The following C9orf50 variants were observed in gnomAD, a reference collection of about 807,000 sequenced individuals.
C9orf50 encodes uncharacterized protein C9orf50.
Under a neutral mutation model 42.5 loss-of-function variants are expected in C9orf50, and 33 were observed. The observed-to-expected ratio is 0.78, with a 90% CI of 0.59 to 1.04. The LOEUF (loss-of-function observed/expected upper bound fraction) is 1.04, where lower values mean the gene tolerates loss of function less well. Among genes scored for constraint, C9orf50 ranks in the 50% least tolerant of loss-of-function variants. The pLI, the probability that C9orf50 is intolerant of heterozygous loss-of-function variation, is 0.00. For missense variants in C9orf50, 547 were observed against 594.3 expected (o/e 0.92, Z 0.83); for synonymous variants, 257 against 273.4 (o/e 0.94, Z 0.59).
chr9:129,612,547 G>T, intron 6 of C9orf50, 93 bp from the exon 7 acceptor site: 2 of 922,360 alleles, frequency 2.2e-6, no homozygotes, highest in East Asian at 2.6e-5. Flanking sequence ...GCCCTGTTGG[G>T]CAGGTAGTGC....
At chr9:129,620,798 C>A, upstream of C9orf50, 1 of 398,856 alleles carries the variant, frequency 2.5e-6, no homozygotes, top group Non-Finnish European at 4.4e-6. The surrounding 1 kb of genome is among the most constrained non-coding windows in gnomAD (Gnocchi z 5.8). Flanking sequence ...GAGTAGCCAA[C>A]TTTGGGGGTT....
intron 6 of C9orf50, 128 bp downstream of exon 6, chr9:129,612,979 G>A (rs893373000): frequency 4.9e-5 from 59 of 1,211,310 alleles, no homozygotes; most frequent in Non-Finnish European, 6.2e-5. Context: ...AAGCCCCCAC[G>A]GTGACTTGGC....
Position 129,613,569 on chromosome 9 carries a change from C to T in C9orf50, c.909G>A (p.Lys303=). The change falls in exon 5 of 7, where the codon AAG becomes AAA. Residue 303 remains lysine, a synonymous_variant. Transcript: ENST00000372478. This position sits in a 1 kb window ranked among gnomAD's most constrained non-coding sequence, Gnocchi z 6.2. ...GCTCGGACGCCACTGGCAGGGCGGC[C>T]TTCTGGTTCACAATGACGCTCTGTT... 4.3e-6 allele frequency: 7 copies of T among 1,614,206 alleles called. No homozygotes were observed. The highest frequency in any genetic ancestry group is 5.9e-6 in the Non-Finnish European group (7 of 1,180,030).
Position 129,620,206 on chromosome 9 carries a change from C to T in C9orf50, c.369G>A (p.Glu123=), listed in dbSNP as rs1218506857. Residue 123 remains glutamate (E), a synonymous_variant, in exon 1 of 7, where the codon GAG becomes GAA. Transcript: ENST00000372478. This position sits in a 1 kb window ranked among gnomAD's most constrained non-coding sequence, Gnocchi z 5.8. Reference sequence around the variant, plus strand: ...CCACGCGCCTCCGGGGGCGCTCGCGCTCTCCAGGCCCTGGCTGCCTGGGCG... The same window carrying T: ...CCACGCGCCTCCGGGGGCGCTCGCGTTCTCCAGGCCCTGGCTGCCTGGGCG... 2.1e-6 allele frequency: 3 copies of T among 1,419,426 alleles called. No individual in the cohort carries two copies. The highest frequency in any genetic ancestry group is 1.8e-6 in the Non-Finnish European group (2 of 1,082,122). The allele number at this position is 1,419,426 out of a possible 1,614,324, so 87.9% of individuals were successfully genotyped here. A position where few individuals can be genotyped will look rare whatever the true frequency, so the allele number is the denominator to read the frequency against.
chr9:129,612,438 T>C, exon 7 of C9orf50: 1 of 1,612,400 alleles, frequency 6.2e-7, no homozygotes, highest in Non-Finnish European at 8.5e-7. Flanking sequence ...CAGCACCCGG[T>C]TGGGCAGGAG....
At position 129,620,388 on chromosome 9, in the gene C9orf50, G is replaced by T. The variant is rs547381419; in HGVS notation, c.187C>A (p.Pro63Thr). The change falls in exon 1 of 7, where the codon CCG becomes ACG. Residue 63 changes from proline to threonine, a missense_variant. By Grantham distance (38) the Pro-to-Thr change is conservative (BLOSUM62 -1). Coordinates refer to ENST00000372478, the Ensembl canonical transcript of C9orf50. This position sits in a 1 kb window ranked among gnomAD's most constrained non-coding sequence, Gnocchi z 5.8. ...ACCCCGGGCTTGGCGTCCCCTTCCG[G>T]CCACCACGCGGCGCCGCCCCCCGGG... 1.6e-6 allele frequency: 2 copies of T among 1,232,022 alleles called. No individual in the cohort carries two copies. The highest frequency in any genetic ancestry group is 7.8e-5 in the South Asian group (2 of 25,742). 76.3% of individuals were successfully genotyped at this position (1,232,022 alleles called of 1,614,324 possible). A position where few individuals can be genotyped will look rare whatever the true frequency, so the allele number is the denominator to read the frequency against.
rs1156529798 is a variant in C9orf50 at position 129,615,477 on chromosome 9, TG to T, written c.880+6del. On this transcript the variant is annotated splice_donor_region_variant and intron_variant, in intron 4 of 6. Coordinates refer to ENST00000372478, the Ensembl canonical transcript of C9orf50. ...GAGTCTCGAGGCTCCCCATCCTGTC[TG>T]CTTACCTGAGCGTCTGCGCTCCCAG... 6.3e-7 allele frequency: 1 copy of T among 1,580,650 alleles called. No homozygotes were observed. Among genetic ancestry groups the T allele is most frequent in the Non-Finnish European group, 8.6e-7 (1 of 1,163,798 alleles).
chr9:129,620,541 C>G lies in C9orf50; in HGVS notation c.34G>C (p.Asp12His). 1 of 1,405,974 alleles carries G rather than the reference C, an allele frequency of 7.1e-7. No individual in the cohort carries two copies. Among genetic ancestry groups the G allele is most frequent in the Non-Finnish European group, 9.3e-7 (1 of 1,076,658 alleles). 87.1% of individuals were successfully genotyped at this position (1,405,974 alleles called of 1,614,324 possible). The change falls in exon 1 of 7, where the codon GAC becomes CAC. Residue 12 changes from aspartate to histidine, a missense_variant. This residue lies in a region of C9orf50 where 105 missense variants were observed against 98.5 expected (regional missense o/e 1.07). Coordinates refer to ENST00000372478, the Ensembl canonical transcript of C9orf50. This position sits in a 1 kb window ranked among gnomAD's most constrained non-coding sequence, Gnocchi z 5.8. ...CCAGGGAGCCCCTTGGGCGCCAGGT[C>G]CTGGGCCCCTGGGCGAAGTCGACGC...
intron 6 of C9orf50, 77 bp from the exon 7 acceptor site, chr9:129,612,531 G>T: frequency 4.4e-6 from 5 of 1,140,102 alleles, no homozygotes; most frequent in Non-Finnish European, 6.5e-6. Flanking sequence ...GGGATTCTGT[G>T]CTGAAGCCCT....
chr9:129,616,510 G>A (rs12553839), intron 3 of C9orf50, among the ~76,000 whole-genome samples: 1 of 151,866 alleles, frequency 6.6e-6, no homozygotes, highest in African/African-American at 2.4e-5. Context: ...GCCACCGCCC[G>A]CCCGCCTGCC....
chr9:129,612,737 G>A (rs545976897), intron 6 of C9orf50, among the ~76,000 whole-genome samples: 3 of 152,318 alleles, frequency 2.0e-5, no homozygotes, highest in African/African-American at 7.2e-5. Context: ...AATTAGCTGG[G>A]TGTGGTGGTG....
intron 3 of C9orf50, among the ~76,000 whole-genome samples, chr9:129,616,347 C>T (rs1484127221): frequency 6.6e-6 from 1 of 152,206 alleles, no homozygotes; most frequent in Non-Finnish European, 1.5e-5. Flanking sequence ...TCCCGAGTAG[C>T]TGGGACTACA....
upstream of C9orf50, chr9:129,620,895 T>C (rs1564340048): frequency 6.9e-6 from 2 of 287,896 alleles, no homozygotes; most frequent in Non-Finnish European, 1.3e-5. This position sits in a 1 kb window ranked among gnomAD's most constrained non-coding sequence, Gnocchi z 5.8. Context: ...AGCTTACACA[T>C]AGACTAGCTG....
chr9:129,620,297 T>C lies in C9orf50; in HGVS notation c.278A>G (p.Lys93Arg). 1.6e-6 allele frequency: 2 copies of C among 1,253,802 alleles called. No homozygotes were observed. Among genetic ancestry groups the C allele is most frequent in the East Asian group, 3.2e-5 (1 of 31,676 alleles). 77.7% of individuals were successfully genotyped at this position (1,253,802 alleles called of 1,614,324 possible). The change falls in exon 1 of 7, where the codon AAG becomes AGG. Residue 93 changes from lysine (K) to arginine (R), a missense_variant. By Grantham distance (26) the Lys-to-Arg change is conservative (BLOSUM62 2). This residue lies in a region of C9orf50 where 108 missense variants were observed against 172.1 expected (regional missense o/e 0.63). Coordinates refer to ENST00000372478, the Ensembl canonical transcript of C9orf50. The surrounding 1 kb of genome is among the most constrained non-coding windows in gnomAD (Gnocchi z 5.8). ...CAGCAGGGACCGCAGCAGCCCCCGCTTCCGCACGGCCCGCCGGGTCGCGGT... is the reference window on the plus strand; with the variant it reads ...CAGCAGGGACCGCAGCAGCCCCCGCCTCCGCACGGCCCGCCGGGTCGCGGT...
rs1830648254 is a variant in C9orf50 at position 129,620,560 on chromosome 9, T to C, written c.15A>G (p.Arg5=). 1 of 1,378,770 alleles carries C rather than the reference T, an allele frequency of 7.3e-7. No homozygotes were observed. Among genetic ancestry groups the C allele is most frequent in the South Asian group, 1.7e-5 (1 of 58,682 alleles). The allele number at this position is 1,378,770 out of a possible 1,614,324, so 85.4% of individuals were successfully genotyped here. A position where few individuals can be genotyped will look rare whatever the true frequency, so the allele number is the denominator to read the frequency against. The change falls in exon 1 of 7, where the codon CGA becomes CGG. Residue 5 remains arginine (R), a synonymous_variant. Transcript: ENST00000372478. This position sits in a 1 kb window ranked among gnomAD's most constrained non-coding sequence, Gnocchi z 5.8. Reference sequence around the variant, plus strand: ...CCAGGTCCTGGGCCCCTGGGCGAAGTCGACGCCAGAACATGCTTGGCCCCG... The same window carrying C: ...CCAGGTCCTGGGCCCCTGGGCGAAGCCGACGCCAGAACATGCTTGGCCCCG...
At chr9:129,615,798 G>A (rs1830347331) in intron 3 of C9orf50, 151 bp from the exon 4 acceptor site, 3 of 879,198 alleles carry the variant, frequency 3.4e-6, no homozygotes, top group Non-Finnish European at 3.2e-6. Flanking sequence ...CGGCCTTAAC[G>A]GAGCACTTCC....
chr9:129,620,003 C>A lies in C9orf50; in HGVS notation c.508+64G>T, dbSNP rs1830596767. The stretch of plus-strand genomic sequence containing the variant: ...GGTGGTGGGGTGGTGGGTGCGGGGA[C>A]ACAAGGGACCACCCCCCACCGGAAA... On this transcript the variant is annotated intron_variant, in intron 1 of 6. Coordinates refer to ENST00000372478, the Ensembl canonical transcript of C9orf50. This position sits in a 1 kb window ranked among gnomAD's most constrained non-coding sequence, Gnocchi z 5.8. 2 of 1,469,442 alleles carry A rather than the reference C, an allele frequency of 1.4e-6. No homozygotes were observed. 91.0% of individuals were successfully genotyped at this position (1,469,442 alleles called of 1,614,324 possible). A position where few individuals can be genotyped will look rare whatever the true frequency, so the allele number is the denominator to read the frequency against.
In C9orf50 at chr9:129,615,639, TG is replaced by T; in HGVS notation, c.724del (p.His242ThrfsTer12). 6.4e-7 allele frequency: 1 copy of T among 1,560,004 alleles called. No homozygotes were observed. Among genetic ancestry groups the T allele is most frequent in the South Asian group, 1.2e-5 (1 of 85,388 alleles). On this transcript the variant is annotated frameshift_variant, in exon 4 of 7. Coordinates refer to ENST00000372478, the Ensembl canonical transcript of C9orf50. LOFTEE classifies it high-confidence loss of function. The stretch of plus-strand genomic sequence containing the variant: ...CTTGAGCCTGGGGACCTGTGCACCG[TG>T]GGGCCTGCTGAGAGAGGGGAGAGGG...
At chr9:129,615,789 G>T in intron 3 of C9orf50, 142 bp from the exon 4 acceptor site, 1 of 961,120 alleles carries the variant, frequency 1.0e-6, no homozygotes, top group Non-Finnish European at 1.4e-6. Flanking sequence ...CACAGCAGCC[G>T]GCCTTAACGG....
Sources: allele counts gnomAD v4.1 joint callset (sites outside exome capture counted in the v4.1 genomes callset), GRCh38; gene constraint gnomAD v4.1.1; regional missense constraint gnomAD v4.1.1; non-coding constraint Gnocchi (gnomAD v3.1); transcripts MANE v1.5; gene names NCBI Gene and HGNC (gene_info 2026-07-23, HGNC 2026-07-21).